Variants in RPS6KA2 observed in about 807,000 individuals in gnomAD.
RPS6KA2 encodes ribosomal protein S6 kinase alpha-2.
A neutral mutation model predicts 91.8 loss-of-function variants in RPS6KA2; 42 were observed. The ratio of observed to expected loss-of-function variants is 0.46; its 90% CI spans 0.36 to 0.59. RPS6KA2 has a LOEUF of 0.59. Ranked by LOEUF, RPS6KA2 falls within the 20% of genes least tolerant of loss-of-function variation. The pLI is 0.00. For missense variants in RPS6KA2, 798 were observed against 978.5 expected, an observed-to-expected ratio of 0.82 and a Z score of 2.46; for synonymous variants, 414 against 393.6, an observed-to-expected ratio of 1.05 and a Z score of -0.61.
At chr6:166,798,983 G>T (rs574779229) in intron 2 of RPS6KA2, among the ~76,000 whole-genome samples, 1 of 152,378 alleles carries the variant, frequency 6.6e-6, no homozygotes, top group African/African-American at 2.4e-5. Context: ...AATTGAAAGA[G>T]AGCCCCTATT....
At chr6:166,835,791 T>C (rs941664304) in intron 2 of RPS6KA2, among the ~76,000 whole-genome samples, 2 of 152,174 alleles carry the variant, frequency 1.3e-5, no homozygotes, top group African/African-American at 4.8e-5. Flanking sequence ...TGAATGGGAG[T>C]GGTGCAATGT....
At chr6:166,471,668 G>T (rs572137432) in intron 10 of RPS6KA2, among the ~76,000 whole-genome samples, 2 of 152,272 alleles carry the variant, frequency 1.3e-5, no homozygotes, top group Non-Finnish European at 2.9e-5. Context: ...CACAATTGCT[G>T]TTCCCATTTT....
chr6:166,483,354 CAGA>C (rs1288836455), intron 10 of RPS6KA2, among the ~76,000 whole-genome samples: 1 of 152,184 alleles, frequency 6.6e-6, no homozygotes, highest in East Asian at 1.9e-4. Flanking sequence ...GGCCGCAGAC[CAGA>C]AGCTCACAGA....
rs1779892680 is a variant in RPS6KA2, at chr6:166,450,985, A to G, written c.1206+118T>C. On this transcript the variant is annotated intron_variant, in intron 13 of 20. Transcript: ENST00000265678. The stretch of plus-strand genomic sequence containing the variant: ...AAGTGTGAGGGAAGAATTGGTGATT[A>G]AAGTCCACCCATCCTAAGCACCCAA... 4 of 1,203,882 alleles carry G rather than the reference A, an allele frequency of 3.3e-6. No individual in the cohort carries two copies. The East Asian group carries it at 9.5e-5, about 29-fold the overall frequency. 74.6% of individuals were successfully genotyped at this position (1,203,882 alleles called of 1,614,324 possible).
chr6:166,785,619 T>C (rs1778908739), intron 2 of RPS6KA2, among the ~76,000 whole-genome samples: 1 of 152,242 alleles, frequency 6.6e-6, no homozygotes, highest in Non-Finnish European at 1.5e-5. Context: ...TTTCAGCTGT[T>C]GAACCTAAGA....
At chr6:166,799,140 A>T (rs774235616) in intron 2 of RPS6KA2, among the ~76,000 whole-genome samples, 6 of 152,228 alleles carry the variant, frequency 3.9e-5, no homozygotes, top group Non-Finnish European at 7.3e-5. Flanking sequence ...TATGTGAACA[A>T]GTTTGCTTTA....
intron 1 of RPS6KA2, among the ~76,000 whole-genome samples, chr6:166,564,395 C>G (rs1032167010): frequency 6.6e-6 from 1 of 152,192 alleles, no homozygotes; most frequent in African/African-American, 2.4e-5. Flanking sequence ...GCAGATTCCC[C>G]CTCAGCCTAA....
At chr6:166,627,288 CACCACCACT>C (rs1354836277), upstream of RPS6KA2, 2 of 941,042 alleles carry the variant, frequency 2.1e-6, no homozygotes, top group Non-Finnish European at 2.5e-6. Context: ...ACACCACGCC[CACCACCACT>C]ACCACCAATC....
Position 166,680,660 on chromosome 6 carries a change from T to G in RPS6KA2, c.124-141876A>C, listed in dbSNP as rs73259088. Reference sequence around the variant, plus strand: ...GAACTGTAACACTCACTGTGAAGGTTTGCAGCTTCATTCCTAAAGTCAGCG... The same window carrying G: ...GAACTGTAACACTCACTGTGAAGGTGTGCAGCTTCATTCCTAAAGTCAGCG... On this transcript the variant is annotated intron_variant, in intron 2 of 21. Transcript: ENST00000503859. Among the ~76,000 whole-genome samples the G allele has an allele frequency of 2.4e-3, 367 of 152,326 alleles. 2 individuals carry two copies. The highest frequency in any genetic ancestry group is 7.9e-3 in the African/African-American group (330 of 41,568).
intron 2 of RPS6KA2, among the ~76,000 whole-genome samples, chr6:166,709,063 A>G (rs972103089): frequency 6.6e-5 from 10 of 152,182 alleles, no homozygotes; most frequent in African/African-American, 1.9e-4. Context: ...TTCCATACAC[A>G]TTCCCCCAGC....
intron 2 of RPS6KA2, among the ~76,000 whole-genome samples, chr6:166,696,780 G>A (rs12663470): frequency 0.19 from 29,579 of 152,156 alleles, 2,980 homozygotes; most frequent in East Asian, 0.35. Flanking sequence ...ACAAGTGAGA[G>A]GGACCCCTTC....
At chr6:166,615,158 C>T (rs1365342904) in intron 1 of RPS6KA2, among the ~76,000 whole-genome samples, 2 of 152,142 alleles carry the variant, frequency 1.3e-5, no homozygotes, top group Non-Finnish European at 2.9e-5. Context: ...TTCATTAGCA[C>T]CTTTTTTCAG....
chr6:166,854,396 CT>C (rs1780830126), intron 2 of RPS6KA2, among the ~76,000 whole-genome samples: 1 of 152,238 alleles, frequency 6.6e-6, no homozygotes. Context: ...GAGAAGTCTA[CT>C]CCACGAAACT....
chr6:166,807,025 A>G (rs1047915540), intron 2 of RPS6KA2, among the ~76,000 whole-genome samples: 1 of 152,252 alleles, frequency 6.6e-6, no homozygotes, highest in Non-Finnish European at 1.5e-5. Flanking sequence ...ACACATATAA[A>G]TTTAAATGTT....
At chr6:166,594,852 C>A (rs1340722242) in intron 1 of RPS6KA2, among the ~76,000 whole-genome samples, 1 of 152,140 alleles carries the variant, frequency 6.6e-6, no homozygotes, top group African/African-American at 2.4e-5. Flanking sequence ...AAAGTTCTTT[C>A]CATCCAGTAT....
chr6:166,639,285 C>T lies in RPS6KA2; in HGVS notation c.124-100501G>A, dbSNP rs151165023. On this transcript the variant is annotated intron_variant, in intron 2 of 21. Coordinates refer to the RPS6KA2 transcript ENST00000503859. The surrounding 1 kb of genome is among the most constrained non-coding windows in gnomAD (Gnocchi z 4.2). ...TAAGACTTACCGTGACCTCCTGACA[C>T]GTCCTTATTCCCTACGTCTCTAGTT... is the stretch of plus-strand genomic sequence containing the variant. Among the ~76,000 whole-genome samples, 341 of 152,264 alleles carry T rather than the reference C, an allele frequency of 2.2e-3. 1 individual carries two copies. Among genetic ancestry groups the T allele is most frequent in the Non-Finnish European group, 3.1e-3 (211 of 68,014 alleles).
intron 2 of RPS6KA2, among the ~76,000 whole-genome samples, chr6:166,783,363 ACT>A (rs1778822444): frequency 6.6e-6 from 1 of 151,906 alleles, no homozygotes; most frequent in African/African-American, 2.4e-5. Context: ...AGAGGAAGGA[ACT>A]CTGTCTTCAG....
intron 2 of RPS6KA2, among the ~76,000 whole-genome samples, chr6:166,684,729 C>T (rs1788954684): frequency 1.3e-5 from 2 of 152,162 alleles, no homozygotes; most frequent in African/African-American, 4.8e-5. Flanking sequence ...GCTCCATCCC[C>T]GAAAGCCTCA....
intron 2 of RPS6KA2, among the ~76,000 whole-genome samples, chr6:166,693,847 G>A (rs1400544771): frequency 1.3e-5 from 2 of 152,142 alleles, no homozygotes; most frequent in Non-Finnish European, 2.9e-5. Flanking sequence ...CACTCACCAA[G>A]CTTAGACACA....
Sources: allele counts gnomAD v4.1 joint callset (sites outside exome capture counted in the v4.1 genomes callset), GRCh38; gene constraint gnomAD v4.1.1; non-coding constraint Gnocchi (gnomAD v3.1); transcripts MANE v1.5; gene names NCBI Gene and HGNC (gene_info 2026-07-23, HGNC 2026-07-21).